LMBRD1: variants seen among roughly 807,000 people sequenced by gnomAD.
LMBRD1 encodes the protein LMBR1 domain containing 1, also known as lysosomal cobalamin transport escort protein LMBD1.
In LMBRD1, 64 loss-of-function variants were observed where a neutral mutation model predicts 74.8. The observed-to-expected ratio is 0.86, with a 90% CI of 0.70 to 1.05. The LOEUF (loss-of-function observed/expected upper bound fraction) is 1.05, where lower values mean the gene tolerates loss of function less well. Among genes scored for constraint, LMBRD1 ranks in the 50% least tolerant of loss-of-function variants. LMBRD1 has a pLI of 0.00. For synonymous variants in LMBRD1, 204 were observed against 216.3 expected (o/e 0.94, Z 0.50); for missense variants, 652 against 645.9 (o/e 1.01, Z -0.10).
At chr6:69,733,637 C>A (rs1346342689) in intron 7 of LMBRD1, among the ~76,000 whole-genome samples, 3 of 152,116 alleles carry the variant, frequency 2.0e-5, no homozygotes, top group Non-Finnish European at 4.4e-5. Context: ...CCTCTATACA[C>A]CACAGGTATT....
At chr6:69,719,315 T>C (rs1041469814) in intron 7 of LMBRD1, among the ~76,000 whole-genome samples, 18 of 152,110 alleles carry the variant, frequency 1.2e-4, no homozygotes, top group Admixed American at 1.2e-3. Context: ...AGTTGCAAAT[T>C]TACTGTAAAT....
intron 14 of LMBRD1, among the ~76,000 whole-genome samples, chr6:69,685,336 G>A (rs190384025): frequency 6.6e-6 from 1 of 152,288 alleles, no homozygotes; most frequent in Admixed American, 6.5e-5. Context: ...ACTTGTAAGC[G>A]TTAAATAGTA....
intron 4 of LMBRD1, 95 bp downstream of exon 4, chr6:69,752,164 C>T: frequency 8.1e-7 from 1 of 1,232,734 alleles, no homozygotes; most frequent in Non-Finnish European, 1.1e-6. Context: ...TTAGACAACA[C>T]TGCTCTAGAA....
chr6:69,687,312 C>T (rs1007775580), intron 14 of LMBRD1, among the ~76,000 whole-genome samples: 14 of 152,132 alleles, frequency 9.2e-5, no homozygotes, highest in African/African-American at 3.4e-4. Context: ...TTCTGAACAC[C>T]AGTTAATCTC....
chr6:69,676,673 C>T (rs1765553708), intron 14 of LMBRD1, 132 bp from the exon 15 acceptor site: 2 of 765,594 alleles, frequency 2.6e-6, no homozygotes, highest in East Asian at 2.7e-5. Flanking sequence ...AGAGATGGTA[C>T]TGAAACTTAG....
At chr6:69,784,705 T>C (rs904655473) in intron 2 of LMBRD1, among the ~76,000 whole-genome samples, 2 of 152,170 alleles carry the variant, frequency 1.3e-5, no homozygotes, top group African/African-American at 4.8e-5. Context: ...ATCTAAAACA[T>C]ATCTCCATTT....
intron 7 of LMBRD1, among the ~76,000 whole-genome samples, chr6:69,721,348 G>C (rs1348661115): frequency 6.6e-6 from 1 of 152,148 alleles, no homozygotes; most frequent in African/African-American, 2.4e-5. Flanking sequence ...CTGAGGAAAG[G>C]AGAGGGAAGA....
At chr6:69,772,901 CTCTTA>C (rs1439286499) in intron 3 of LMBRD1, among the ~76,000 whole-genome samples, 6 of 152,110 alleles carry the variant, frequency 3.9e-5, no homozygotes, top group African/African-American at 1.4e-4. Flanking sequence ...TTCTCTTGTT[CTCTTA>C]TCTGATTTGA....
intron 14 of LMBRD1, among the ~76,000 whole-genome samples, chr6:69,685,488 C>T (rs1765743942): frequency 6.6e-6 from 1 of 152,068 alleles, no homozygotes; most frequent in Non-Finnish European, 1.5e-5. Context: ...TTCTAGGGTC[C>T]CACCTCAGAT....
intron 6 of LMBRD1, among the ~76,000 whole-genome samples, 155 bp from the exon 7 acceptor site, chr6:69,738,170 A>G (rs188181570): frequency 7.2e-5 from 11 of 152,326 alleles, no homozygotes; most frequent in African/African-American, 2.4e-4. Context: ...CTCCAAGTGG[A>G]GAAAAGAGTT....
At chr6:69,757,192 A>G (rs1458774271) in intron 3 of LMBRD1, among the ~76,000 whole-genome samples, 2 of 152,232 alleles carry the variant, frequency 1.3e-5, no homozygotes, top group African/African-American at 4.8e-5. Flanking sequence ...GACTAAAACA[A>G]GCCCAGACAC....
chr6:69,744,320 G>A (rs964018981), intron 5 of LMBRD1, among the ~76,000 whole-genome samples: 1 of 152,156 alleles, frequency 6.6e-6, no homozygotes, highest in African/African-American at 2.4e-5. Context: ...TACTAAGCTT[G>A]TGAGAGTTAT....
intron 3 of LMBRD1, among the ~76,000 whole-genome samples, chr6:69,754,076 G>C (rs575876035): frequency 2.0e-5 from 3 of 152,250 alleles, no homozygotes; most frequent in African/African-American, 7.2e-5. Flanking sequence ...ACTTATATGA[G>C]GTACTGAGAG....
rs1465881100 is a variant in LMBRD1 at position 69,676,097 on chromosome 6, A to G, written c.*61T>C. 2.1e-5 allele frequency: 28 copies of G among 1,339,586 alleles called. No individual in the cohort carries two copies. The highest frequency in any genetic ancestry group is 2.9e-5 in the Non-Finnish European group (27 of 934,674). The allele number at this position is 1,339,586 out of a possible 1,614,324, so 83.0% of individuals were successfully genotyped here. On this transcript the variant is annotated 3_prime_UTR_variant, in exon 16 of 16. Coordinates refer to ENST00000649934, the MANE Select transcript of LMBRD1 (RefSeq NM_018368.4). ...TAGCAAATCCTAATGTTAGTTTAAT[A>G]CTTTAAAAATGCATAACAGATATTC...
At chr6:69,717,906 C>A (rs1766526790) in intron 8 of LMBRD1, among the ~76,000 whole-genome samples, 1 of 152,066 alleles carries the variant, frequency 6.6e-6, no homozygotes, top group Non-Finnish European at 1.5e-5. Context: ...GCCATATTGC[C>A]CAAGCTGGTA....
At chr6:69,777,178 T>A (rs996453231) in intron 3 of LMBRD1, among the ~76,000 whole-genome samples, 12 of 149,350 alleles carry the variant, frequency 8.0e-5, no homozygotes, top group African/African-American at 3.0e-4. Context: ...CCGGGCACAA[T>A]GAGTGGCTCC....
intron 12 of LMBRD1, among the ~76,000 whole-genome samples, chr6:69,699,817 A>G (rs568615489): frequency 2.6e-5 from 4 of 151,860 alleles, no homozygotes; most frequent in Non-Finnish European, 1.5e-5. Flanking sequence ...CCACAATTGT[A>G]CTATTGTAGT....
intron 2 of LMBRD1, among the ~76,000 whole-genome samples, chr6:69,784,606 C>A (rs1209731608): frequency 2.0e-5 from 3 of 152,184 alleles, no homozygotes; most frequent in African/African-American, 7.2e-5. Context: ...TTATCCAAGG[C>A]AAAATGTCCA....
chr6:69,695,106 A>G (rs1324118921), intron 14 of LMBRD1, among the ~76,000 whole-genome samples: 3 of 152,032 alleles, frequency 2.0e-5, no homozygotes, highest in Non-Finnish European at 2.9e-5. Flanking sequence ...CATTCTATCT[A>G]AAGCATTCTG....
Sources: gnomAD v4.1 joint callset for allele counts (sites outside exome capture counted in the v4.1 genomes callset) on GRCh38, gnomAD v4.1.1 for gene constraint, MANE v1.5 for transcripts, NCBI Gene and HGNC (gene_info 2026-07-23, HGNC 2026-07-21) for gene names.